The following FARP1 variants were observed in gnomAD, a reference collection of about 807,000 sequenced individuals.
The protein encoded by FARP1 is FERM, ARHGEF and pleckstrin domain-containing protein 1.
Under a neutral mutation model 128.8 loss-of-function variants are expected in FARP1, and 52 were observed. The observed-to-expected ratio is 0.40, with a 90% CI of 0.32 to 0.51. The LOEUF (loss-of-function observed/expected upper bound fraction) is 0.51. FARP1 is among the 20% of genes least tolerant of loss of function. The probability of loss-of-function intolerance (pLI) is 0.45; values close to 1 mark genes in which losing one functional copy is unlikely to be tolerated. For missense variants in FARP1, 1,333 were observed against 1,367.9 expected, an observed-to-expected ratio of 0.97 and a Z score of 0.40; for synonymous variants, 580 against 551.8, an observed-to-expected ratio of 1.05 and a Z score of -0.72.
At chr13:98,429,961 G>A (rs572656130) in intron 17 of FARP1, among the ~76,000 whole-genome samples, 49 of 152,318 alleles carry the variant, frequency 3.2e-4, no homozygotes, top group South Asian at 2.1e-3. Context: ...ATTTCAGGCC[G>A]GGCGTGGTGC....
chr13:98,145,540 C>T (rs1410073463), intron 1 of FARP1, among the ~76,000 whole-genome samples: 3 of 147,352 alleles, frequency 2.0e-5, no homozygotes, highest in African/African-American at 7.3e-5. Context: ...TACAAGGAAC[C>T]TGGAGGAACG....
intron 13 of FARP1, chr13:98,407,025 C>G (rs1266932994): frequency 6.5e-6 from 1 of 152,700 alleles, no homozygotes; most frequent in African/African-American, 2.4e-5. Context: ...TGCCTCCGCT[C>G]CCCTTCCCAC....
At chr13:98,375,195 G>A (rs1889530067) in intron 5 of FARP1, among the ~76,000 whole-genome samples, 1 of 152,166 alleles carries the variant, frequency 6.6e-6, no homozygotes, top group African/African-American at 2.4e-5. Context: ...GATTCAGGTG[G>A]TGACATTCTG....
intron 2 of FARP1, among the ~76,000 whole-genome samples, chr13:98,306,480 G>A (rs945834358): frequency 1.3e-5 from 2 of 152,006 alleles, no homozygotes; most frequent in East Asian, 1.9e-4. Flanking sequence ...TCAGGCCCAG[G>A]CCTTCCAGCT....
intron 1 of FARP1, among the ~76,000 whole-genome samples, chr13:98,184,875 C>T (rs564724161): frequency 6.6e-6 from 1 of 152,174 alleles, no homozygotes; most frequent in African/African-American, 2.4e-5. Context: ...TGACAAGATA[C>T]TTTGAACAGG....
chr13:98,248,648 G>T (rs763022674), intron 2 of FARP1, among the ~76,000 whole-genome samples: 6 of 152,056 alleles, frequency 3.9e-5, no homozygotes, highest in Non-Finnish European at 7.4e-5. Flanking sequence ...GTGCTTTCCT[G>T]GTCATTTGTG....
chr13:98,154,283 A>G (rs1273290430), intron 1 of FARP1, among the ~76,000 whole-genome samples: 1 of 152,238 alleles, frequency 6.6e-6, no homozygotes, highest in Non-Finnish European at 1.5e-5. Flanking sequence ...TCTCATGGAC[A>G]AATAGCTAGA....
chr13:98,275,019 C>A (rs1030449136), intron 2 of FARP1, among the ~76,000 whole-genome samples: 3 of 152,206 alleles, frequency 2.0e-5, no homozygotes, highest in Non-Finnish European at 2.9e-5. Flanking sequence ...ATACTGTATT[C>A]ATCTTGCCAT....
chr13:98,240,864 T>C (rs1882728170), intron 2 of FARP1, among the ~76,000 whole-genome samples: 1 of 152,212 alleles, frequency 6.6e-6, no homozygotes, highest in Admixed American at 6.5e-5. Flanking sequence ...GAGGCTTTAG[T>C]AGAACCCGGA....
intron 9 of FARP1, 78 bp from the exon 10 acceptor site, chr13:98,389,879 C>T (rs763788462): frequency 4.7e-5 from 66 of 1,407,610 alleles, no homozygotes; most frequent in Non-Finnish European, 6.4e-5. Context: ...ACAAAGCTAT[C>T]TTCTGCCCCT....
intron 19 of FARP1, among the ~76,000 whole-genome samples, 198 bp from the exon 20 acceptor site, chr13:98,438,606 G>A (rs1422098283): frequency 6.6e-6 from 1 of 152,198 alleles, no homozygotes; most frequent in Non-Finnish European, 1.5e-5. Context: ...GCAGCTGAGT[G>A]CTGTAACTTC....
chr13:98,275,626 CTCTTTT>C (rs1884615408), intron 2 of FARP1, among the ~76,000 whole-genome samples: 3 of 140,524 alleles, frequency 2.1e-5, no homozygotes, highest in African/African-American at 5.3e-5. Context: ...TTCTCTTTCT[CTCTTTT>C]TTTTTTTTTT....
intron 1 of FARP1, among the ~76,000 whole-genome samples, chr13:98,148,976 T>G (rs1480217694): frequency 6.6e-6 from 1 of 152,016 alleles, no homozygotes; most frequent in African/African-American, 2.4e-5. Context: ...AGCCTCAACT[T>G]CCTGGGCTCA....
At chr13:98,370,674 C>T (rs976900475) in intron 5 of FARP1, among the ~76,000 whole-genome samples, 1 of 151,942 alleles carries the variant, frequency 6.6e-6, no homozygotes, top group Non-Finnish European at 1.5e-5. Flanking sequence ...CTGGCCAGGT[C>T]ATGTTTGAGA....
chr13:98,255,362 A>G (rs557908590), intron 2 of FARP1, among the ~76,000 whole-genome samples: 9 of 152,120 alleles, frequency 5.9e-5, no homozygotes, highest in Non-Finnish European at 1.0e-4. Context: ...ATAGCCGGGC[A>G]TGGTGGCAGG....
chr13:98,182,884 T>C (rs188386607), intron 1 of FARP1, among the ~76,000 whole-genome samples: 253 of 152,364 alleles, frequency 1.7e-3, no homozygotes, highest in African/African-American at 5.8e-3. Flanking sequence ...GCTTTTTCCA[T>C]TGGATGTGCC....
intron 17 of FARP1, among the ~76,000 whole-genome samples, chr13:98,425,694 A>G (rs149885141): frequency 1.3e-5 from 2 of 152,176 alleles, no homozygotes; most frequent in African/African-American, 4.8e-5. Context: ...CCTGGTCGCA[A>G]ATATGTTTTT....
chr13:98,379,064 ATAAT>A lies in FARP1; in HGVS notation c.496+1147_496+1150del, dbSNP rs1275451984. ...ACAATATGTAATCTATATATAATAT[ATAAT>A]ATATGTAATATGTAATCTATATATA... On this transcript the variant is annotated intron_variant, in intron 6 of 26. Coordinates refer to ENST00000319562, the MANE Select transcript of FARP1 (RefSeq NM_005766.4). Among the ~76,000 whole-genome samples, 15 of 92,616 alleles carry A rather than the reference ATAAT, an allele frequency of 1.6e-4. 2 individuals are homozygous for A. The highest frequency in any genetic ancestry group is 2.5e-4 in the Non-Finnish European group (13 of 51,238). 60.8% of individuals were successfully genotyped at this position (92,616 alleles called of 152,430 possible).
chr13:98,422,112 C>G, intron 16 of FARP1, among the ~76,000 whole-genome samples: 1 of 152,164 alleles, frequency 6.6e-6, no homozygotes, highest in East Asian at 1.9e-4. Context: ...ATTCCCAAAA[C>G]ACACAGATAG....
Sources: gnomAD v4.1 joint callset for allele counts (sites outside exome capture counted in the v4.1 genomes callset) on GRCh38, gnomAD v4.1.1 for gene constraint, MANE v1.5 for transcripts, NCBI Gene and HGNC (gene_info 2026-07-23, HGNC 2026-07-21) for gene names.